Variants in ITPR2 observed in about 807,000 individuals in gnomAD.
The protein encoded by ITPR2 is inositol 1,4,5-trisphosphate-gated calcium channel ITPR2.
In ITPR2, 207 loss-of-function variants were observed where a neutral mutation model predicts 317.1. The ratio of observed to expected loss-of-function variants is 0.65; its 90% CI spans 0.58 to 0.73. ITPR2 has a LOEUF of 0.73. Among genes scored for constraint, ITPR2 ranks in the 30% least tolerant of loss-of-function variants. The pLI is 0.00. For missense variants in ITPR2, 2,613 were observed against 3,284.0 expected (o/e 0.80, Z 4.99); for synonymous variants, 1,156 against 1,149.1 (o/e 1.01, Z -0.12).
chr12:26,586,016 G>A (rs1246699356), intron 32 of ITPR2, among the ~76,000 whole-genome samples: 1 of 152,094 alleles, frequency 6.6e-6, no homozygotes, highest in Admixed American at 6.6e-5. Flanking sequence ...AATCATGAAT[G>A]TTTGGTTTTT....
At chr12:26,380,413 A>G (rs1939473044) in intron 55 of ITPR2, among the ~76,000 whole-genome samples, 1 of 152,214 alleles carries the variant, frequency 6.6e-6, no homozygotes, top group South Asian at 2.1e-4. Context: ...TCCATCTTAA[A>G]TTACAGACAC....
intron 48 of ITPR2, among the ~76,000 whole-genome samples, chr12:26,435,730 AC>A (rs1941335282): frequency 6.6e-6 from 1 of 152,092 alleles, no homozygotes; most frequent in Non-Finnish European, 1.5e-5. Context: ...CACTTTTGAA[AC>A]CTCAGATGAT....
At chr12:26,655,350 C>T (rs961085078) in intron 20 of ITPR2, among the ~76,000 whole-genome samples, 4 of 152,036 alleles carry the variant, frequency 2.6e-5, no homozygotes, top group East Asian at 3.8e-4. Context: ...GGTGGTGGCT[C>T]ACACCTGTAA....
rs375809318 is a variant in ITPR2, at chr12:26,805,124, A to G, written c.93-14897T>C. Among the ~76,000 whole-genome samples, 8 of 152,236 alleles carry G rather than the reference A, an allele frequency of 5.3e-5. 1 individual carries two copies. The East Asian group carries it at 9.6e-4, about 18-fold the overall frequency. The stretch of plus-strand genomic sequence containing the variant: ...AAAGAGACATACTGGTTTGTAACCT[A>G]ATAGGACTAAAATGGGAAAATATAA... On this transcript the variant is annotated intron_variant, in intron 1 of 56. Coordinates refer to ENST00000381340, the MANE Select transcript of ITPR2 (RefSeq NM_002223.4).
chr12:26,764,328 T>C (rs1456054010), intron 2 of ITPR2, among the ~76,000 whole-genome samples: 1 of 151,966 alleles, frequency 6.6e-6, no homozygotes, highest in Non-Finnish European at 1.5e-5. Flanking sequence ...AAAGGCACAA[T>C]CCGTGAAAGA....
intron 37 of ITPR2, among the ~76,000 whole-genome samples, chr12:26,536,764 CT>C (rs1362633342): frequency 9.8e-5 from 15 of 152,310 alleles, no homozygotes; most frequent in South Asian, 4.1e-4. Flanking sequence ...GGGGTCACCC[CT>C]GATGATGGCA....
At chr12:26,677,604 A>G (rs1457977968) in intron 13 of ITPR2, among the ~76,000 whole-genome samples, 1 of 152,112 alleles carries the variant, frequency 6.6e-6, no homozygotes, top group Admixed American at 6.5e-5. Flanking sequence ...TCTCTCAAAA[A>G]AAAATAAATA....
chr12:26,553,517 T>C (rs1216361563), intron 36 of ITPR2, among the ~76,000 whole-genome samples: 1 of 150,680 alleles, frequency 6.6e-6, no homozygotes, highest in African/African-American at 2.4e-5. Flanking sequence ...CCAGGCATGG[T>C]AGCTCACGCC....
At chr12:26,480,978 T>C (rs1417791363) in intron 43 of ITPR2, among the ~76,000 whole-genome samples, 153 bp downstream of exon 43, 1 of 152,266 alleles carries the variant, frequency 6.6e-6, no homozygotes, top group Non-Finnish European at 1.5e-5. Context: ...AACTTCACAT[T>C]GCATCTGGAG....
chr12:26,775,957 T>TATATATACATAC (rs1555189740), intron 2 of ITPR2, among the ~76,000 whole-genome samples: 1 of 148,252 alleles, frequency 6.7e-6, no homozygotes, highest in Non-Finnish European at 1.5e-5. Flanking sequence ...TGTATATGTA[T>TATATATACATAC]ATCCTATTAG....
intron 55 of ITPR2, among the ~76,000 whole-genome samples, chr12:26,382,823 C>T (rs1324423215): frequency 6.6e-6 from 1 of 152,184 alleles, no homozygotes; most frequent in African/African-American, 2.4e-5. Flanking sequence ...ACTTTATTTA[C>T]AATGTATGTT....
Position 26,364,951 on chromosome 12 carries a change from G to A in ITPR2, c.7857+22483C>T, listed in dbSNP as rs1336471152. 2.0e-5 allele frequency among the ~76,000 whole-genome samples: 3 copies of A among 152,158 alleles called. No homozygotes were observed. In the East Asian group the frequency reaches 5.8e-4, roughly 29 times the overall value. On this transcript the variant is annotated intron_variant, in intron 55 of 56. Transcript: ENST00000381340. ...CTGAGAGACCATCTGATGATCTTCA[G>A]GTCGGCCTCCCCATGTGGTAACCCA...
rs1565762490 is a variant in ITPR2 at position 26,784,319 on chromosome 12, G to GCCCTCGC, written c.163+5837_163+5838insGCGAGGG. Among the ~76,000 whole-genome samples the GCCCTCGC allele has an allele frequency of 8.5e-4, 27 of 31,702 alleles. 8 individuals carry two copies. Among genetic ancestry groups the GCCCTCGC allele is most frequent in the Middle Eastern group, 0.034 (2 of 58 alleles). 20.8% of individuals were successfully genotyped at this position (31,702 alleles called of 152,430 possible). ...TCCCTCTCCCTCTCCCTCTCCCTCT[G>GCCCTCGC]CCTCTCCCTCTCCCTCTCCCTCTCC... On this transcript the variant is annotated intron_variant, in intron 2 of 56. Coordinates refer to ENST00000381340, the MANE Select transcript of ITPR2 (RefSeq NM_002223.4).
At chr12:26,666,648 C>G (rs1346653210) in intron 13 of ITPR2, among the ~76,000 whole-genome samples, 1 of 152,124 alleles carries the variant, frequency 6.6e-6, no homozygotes, top group Non-Finnish European at 1.5e-5. Context: ...TGAATAGAGA[C>G]AGAGTAAGCA....
At chr12:26,686,793 T>C (rs779321924) in intron 10 of ITPR2, among the ~76,000 whole-genome samples, 161 bp from the exon 11 acceptor site, 18 of 152,208 alleles carry the variant, frequency 1.2e-4, no homozygotes, top group Non-Finnish European at 2.5e-4. Context: ...CCGACAGCCA[T>C]TGAGGTAATT....
chr12:26,661,289 T>C (rs1016779256), intron 15 of ITPR2, among the ~76,000 whole-genome samples: 1 of 9,498 alleles, frequency 1.1e-4, no homozygotes, highest in African/African-American at 4.2e-4. Context: ...GGGGGGGGGG[T>C]GGGAGGGAAC....
Position 26,550,772 on chromosome 12 carries a change from G to A in ITPR2, c.4965-417C>T, listed in dbSNP as rs533439563. On this transcript the variant is annotated intron_variant, in intron 36 of 56. Transcript: ENST00000381340. ...CATTAAGCATACAGTAGCAGTGGCTGTATACAACTCTGCAACCTTAATATA... is the reference window on the plus strand; with the variant it reads ...CATTAAGCATACAGTAGCAGTGGCTATATACAACTCTGCAACCTTAATATA... 5.9e-5 allele frequency among the ~76,000 whole-genome samples: 9 copies of A among 152,144 alleles called. No homozygotes were observed. In the South Asian group the frequency reaches 1.7e-3, roughly 28 times the overall value.
At chr12:26,537,444 C>T (rs1462309982) in intron 37 of ITPR2, among the ~76,000 whole-genome samples, 1 of 152,082 alleles carries the variant, frequency 6.6e-6, no homozygotes, top group Non-Finnish European at 1.5e-5. Context: ...GATTACTGCC[C>T]GGTTATTGCT....
intron 2 of ITPR2, among the ~76,000 whole-genome samples, chr12:26,789,370 A>G (rs1031802904): frequency 1.3e-5 from 2 of 152,182 alleles, no homozygotes; most frequent in South Asian, 2.1e-4. Context: ...GTAAGCAGCA[A>G]TCTTCACTTG....
Sources: allele counts gnomAD v4.1 joint callset (sites outside exome capture counted in the v4.1 genomes callset), GRCh38; gene constraint gnomAD v4.1.1; transcripts MANE v1.5; gene names NCBI Gene and HGNC (gene_info 2026-07-23, HGNC 2026-07-21).